Variants in MCPH1 observed in about 807,000 individuals in gnomAD.
MCPH1 encodes microcephalin 1.
MCPH1 carries 104 observed loss-of-function variants against 84.5 expected under a neutral mutation model. That is an observed-to-expected ratio of 1.23 (90% CI 1.05 to 1.45). The LOEUF (loss-of-function observed/expected upper bound fraction) is 1.45. MCPH1 is among the 40% of genes most tolerant of loss of function. MCPH1 has a pLI of 0.00. For synonymous variants in MCPH1, 514 were observed against 366.8 expected (o/e 1.40, Z -4.58); for missense variants, 1,498 against 1,005.7 (o/e 1.49, Z -6.62).
intron 12 of MCPH1, among the ~76,000 whole-genome samples, chr8:6,590,270 A>C (rs990948405): frequency 6.6e-6 from 1 of 152,196 alleles, no homozygotes; most frequent in Non-Finnish European, 1.5e-5. Flanking sequence ...TGAGCAATAA[A>C]GCCAGGATGT....
intron 12 of MCPH1, among the ~76,000 whole-genome samples, chr8:6,614,387 C>G (rs1472475372): frequency 6.6e-6 from 1 of 152,218 alleles, no homozygotes; most frequent in Non-Finnish European, 1.5e-5. Flanking sequence ...GCCTCCTCCC[C>G]TCACCCCCAT....
chr8:6,643,453 C>A lies in MCPH1; in HGVS notation c.*404C>A, dbSNP rs1281992537. On this transcript the variant is annotated 3_prime_UTR_variant, in exon 14 of 14. Transcript: ENST00000344683. Reference sequence around the variant, plus strand: ...CTAATTTTTGTAGTTTTAGTAGAGACAGGGTTTCGCCATGTTGGCCAGGCT... The same window carrying A: ...CTAATTTTTGTAGTTTTAGTAGAGAAAGGGTTTCGCCATGTTGGCCAGGCT... 3 of 252,118 alleles carry A rather than the reference C, an allele frequency of 1.2e-5. No homozygotes were observed. Among genetic ancestry groups the A allele is most frequent in the Non-Finnish European group, 2.3e-5 (3 of 128,402 alleles). The allele number at this position is 252,118 out of a possible 1,614,324, so 15.6% of individuals were successfully genotyped here.
chr8:6,556,272 T>C lies in MCPH1; in HGVS notation c.2214+56343T>C, dbSNP rs142176797. Among the ~76,000 whole-genome samples the C allele has an allele frequency of 4.0e-4, 61 of 152,364 alleles. No homozygotes were observed. In the East Asian group the frequency reaches 0.011, roughly 27 times the overall value. ...GGCATTAAATATTAAGAATGTTTAT[T>C]TCAGAATCATATAATTATACCTGAT... On this transcript the variant is annotated intron_variant, in intron 12 of 13. Transcript: ENST00000344683.
chr8:6,565,127 C>T lies in MCPH1; in HGVS notation c.2215-56327C>T, dbSNP rs537571006. ...GTGTTAGAACCCTGCTTCTGTGTGA[C>T]CTCCAGCAAATGCTTCCATTCTTGG... is the stretch of plus-strand genomic sequence containing the variant. On this transcript the variant is annotated intron_variant, in intron 12 of 13. Transcript: ENST00000344683. Among the ~76,000 whole-genome samples the T allele has an allele frequency of 3.3e-5, 5 of 152,324 alleles. No homozygotes were observed. The East Asian group carries it at 9.6e-4, about 29-fold the overall frequency.
chr8:6,533,060 C>T (rs1004959847), intron 12 of MCPH1, among the ~76,000 whole-genome samples: 2 of 152,218 alleles, frequency 1.3e-5, no homozygotes, highest in Non-Finnish European at 2.9e-5. Flanking sequence ...CACCTTCCTC[C>T]GTATTGAGTT....
intron 12 of MCPH1, among the ~76,000 whole-genome samples, chr8:6,515,367 G>A (rs1223968346): frequency 2.0e-5 from 3 of 152,180 alleles, no homozygotes; most frequent in Non-Finnish European, 4.4e-5. Context: ...CAAGGGCCTT[G>A]AGGCTCCAGT....
chr8:6,473,101 G>A (rs1807967654), intron 9 of MCPH1, among the ~76,000 whole-genome samples: 1 of 152,016 alleles, frequency 6.6e-6, no homozygotes, highest in African/African-American at 2.4e-5. Context: ...AAAAGAATAA[G>A]CCTTTATTTT....
chr8:6,592,856 G>T (rs1320325561), intron 12 of MCPH1, among the ~76,000 whole-genome samples: 2 of 144,114 alleles, frequency 1.4e-5, no homozygotes, highest in African/African-American at 5.2e-5. Flanking sequence ...TGGTGAAGAC[G>T]AGGTCTTGCC....
At chr8:6,422,070 C>T (rs1213023652) in intron 3 of MCPH1, among the ~76,000 whole-genome samples, 1 of 152,160 alleles carries the variant, frequency 6.6e-6, no homozygotes, top group African/African-American at 2.4e-5. Context: ...CTCCTTTTTT[C>T]CTGTGTGTAC....
chr8:6,415,008 A>G, intron 3 of MCPH1, 125 bp downstream of exon 3: 1 of 930,490 alleles, frequency 1.1e-6, no homozygotes, highest in Non-Finnish European at 1.6e-6. Context: ...CTCTTACCTC[A>G]CCTAGTAATT....
chr8:6,602,041 G>T lies in MCPH1; in HGVS notation c.2215-19413G>T, dbSNP rs1252080148. 1.3e-5 allele frequency among the ~76,000 whole-genome samples: 2 copies of T among 152,168 alleles called. 1 individual carries two copies. Among genetic ancestry groups the T allele is most frequent in the South Asian group, 4.1e-4 (2 of 4,828 alleles). Reference sequence around the variant, plus strand: ...GCAGGCTCTGAAGAATTTTTTCATAGCTTTAAATCCACTGCATGGAATAGA... The same window carrying T: ...GCAGGCTCTGAAGAATTTTTTCATATCTTTAAATCCACTGCATGGAATAGA... On this transcript the variant is annotated intron_variant, in intron 12 of 13. Transcript: ENST00000344683.
At chr8:6,527,007 G>A (rs1041280524) in intron 12 of MCPH1, among the ~76,000 whole-genome samples, 1 of 152,146 alleles carries the variant, frequency 6.6e-6, no homozygotes, top group Non-Finnish European at 1.5e-5. Context: ...CATAAAATGT[G>A]CATTGGCTTA....
At chr8:6,500,596 A>G (rs1450202829) in intron 12 of MCPH1, 1 of 152,610 alleles carries the variant, frequency 6.6e-6, no homozygotes, top group Non-Finnish European at 1.5e-5. Flanking sequence ...TGACTAAAAC[A>G]TAACAAGGAG....
chr8:6,488,352 G>A (rs910418263), intron 11 of MCPH1, among the ~76,000 whole-genome samples: 1 of 152,224 alleles, frequency 6.6e-6, no homozygotes, highest in South Asian at 2.1e-4. Context: ...GAGGGCTGTG[G>A]TGCTGCCCTC....
Position 6,423,291 on chromosome 8 carries a change from A to G in MCPH1, c.234-8208A>G, listed in dbSNP as rs185884204. The stretch of plus-strand genomic sequence containing the variant: ...TGCATTCTCCTGCCTCAGCCTCCTG[A>G]GTAGCTGGGACTACAGGCGCCCGCC... On this transcript the variant is annotated intron_variant, in intron 3 of 13. Transcript: ENST00000344683. Among the ~76,000 whole-genome samples, 177 of 139,690 alleles carry G rather than the reference A, an allele frequency of 1.3e-3. 3 individuals carry two copies. The East Asian group carries it at 0.032, about 25-fold the overall frequency. The allele number at this position is 139,690 out of a possible 152,430, so 91.6% of individuals were successfully genotyped here. A position where few individuals can be genotyped will look rare whatever the true frequency, so the allele number is the denominator to read the frequency against.
chr8:6,563,079 C>G (rs988664574), intron 12 of MCPH1: 1 of 875,546 alleles, frequency 1.1e-6, no homozygotes. Flanking sequence ...TCCTCTTTTT[C>G]CAGTAGCAAA....
intron 4 of MCPH1, among the ~76,000 whole-genome samples, chr8:6,433,641 A>AC: frequency 6.6e-6 from 1 of 151,608 alleles, no homozygotes; most frequent in African/African-American, 2.4e-5. Flanking sequence ...AAAAAAAAAA[A>AC]AAAAAAAAAA....
chr8:6,547,468 G>GT (rs1822812041), intron 12 of MCPH1, among the ~76,000 whole-genome samples: 1 of 152,242 alleles, frequency 6.6e-6, no homozygotes, highest in African/African-American at 2.4e-5. Context: ...CAGAACTGAC[G>GT]TTTTCTTCTG....
At chr8:6,592,236 C>A (rs1454006149) in intron 12 of MCPH1, among the ~76,000 whole-genome samples, 5 of 152,116 alleles carry the variant, frequency 3.3e-5, no homozygotes, top group African/African-American at 9.6e-5. Context: ...CACTGCAGCT[C>A]AACCTCTCGG....
Sources: gnomAD v4.1 joint callset for allele counts (sites outside exome capture counted in the v4.1 genomes callset) on GRCh38, gnomAD v4.1.1 for gene constraint, MANE v1.5 for transcripts, NCBI Gene and HGNC (gene_info 2026-07-23, HGNC 2026-07-21) for gene names.